The following HDAC2 variants were observed in gnomAD, a reference collection of about 807,000 sequenced individuals.
HDAC2 encodes the protein histone deacetylase 2.
HDAC2 carries 5 observed loss-of-function variants against 68.5 expected under a neutral mutation model. That is an observed-to-expected ratio of 0.07 (90% CI 0.04 to 0.15). HDAC2 has a LOEUF of 0.15. HDAC2 is among the 10% of genes least tolerant of loss of function. HDAC2 has a pLI of 1.00. For synonymous variants in HDAC2, 182 were observed against 191.3 expected, an observed-to-expected ratio of 0.95 and a Z score of 0.40; for missense variants, 291 against 600.8, an observed-to-expected ratio of 0.48 and a Z score of 5.39.
chr6:113,963,886 C>G (rs1212692739), intron 1 of HDAC2, among the ~76,000 whole-genome samples: 1 of 152,150 alleles, frequency 6.6e-6, no homozygotes, highest in Non-Finnish European at 1.5e-5. Flanking sequence ...CTTCAAGAAA[C>G]TAACAGAATG....
At position 113,949,202 on chromosome 6, in the gene HDAC2, A is replaced by C. The variant is rs1197382837; in HGVS notation, c.698T>G (p.Ile233Arg). 1 of 1,609,840 alleles carries C rather than the reference A, an allele frequency of 6.2e-7. No homozygotes were observed. The highest frequency in any genetic ancestry group is 2.2e-5 in the East Asian group (1 of 44,814). Reference protein sequence around the residue: ...YAVNFPMRDGIDDESYGQIFK... With the variant: ...YAVNFPMRDGRDDESYGQIFK... ...TATCTGCCCATATGACTCATCATCT[A>C]TACCATCTCTCATTGGAAAATTGAC... Residue 233 changes from isoleucine to arginine, a missense_variant, in exon 7 of 14, where the codon ATA (isoleucine) becomes AGA (arginine). Physicochemically the swap from Ile to Arg is moderately conservative, Grantham distance 97. Transcript: ENST00000519065.
intron 6 of HDAC2, among the ~76,000 whole-genome samples, chr6:113,952,984 T>G (rs145257414): frequency 6.6e-6 from 1 of 152,210 alleles, no homozygotes; most frequent in Non-Finnish European, 1.5e-5. Flanking sequence ...TCAGGTAGTT[T>G]TGAAGATTCA....
At chr6:113,959,840 G>GT (rs1337141973) in intron 2 of HDAC2, 66 bp downstream of exon 2, 4 of 732,062 alleles carry the variant, frequency 5.5e-6, no homozygotes, top group Non-Finnish European at 9.5e-6. Flanking sequence ...AATAGACAAA[G>GT]TTTCACAGTA....
intron 6 of HDAC2, among the ~76,000 whole-genome samples, chr6:113,950,737 A>G (rs964144515): frequency 9.9e-5 from 15 of 151,424 alleles, no homozygotes; most frequent in African/African-American, 3.6e-4. Context: ...GCGTTGAATG[A>G]TAATGTCTGA....
chr6:113,968,175 T>C (rs780634107), intron 1 of HDAC2, among the ~76,000 whole-genome samples: 25 of 152,224 alleles, frequency 1.6e-4, no homozygotes, highest in Non-Finnish European at 2.4e-4. Flanking sequence ...CCTATGGTTA[T>C]AGAATTTGCT....
In HDAC2 at chr6:113,949,070, C is replaced by T; in HGVS notation, c.750G>A (p.Met250Ile). 6.2e-7 allele frequency: 1 copy of T among 1,613,448 alleles called. No individual in the cohort carries two copies. Residue 250 changes from methionine to isoleucine, a missense_variant, in exon 8 of 14, where the codon ATG becomes ATA. By Grantham distance (10) the Met-to-Ile change is conservative (BLOSUM62 1). This residue lies in a region of HDAC2 where 154 missense variants were observed against 472.1 expected (regional missense o/e 0.33). Coordinates refer to ENST00000519065, the MANE Select transcript of HDAC2 (RefSeq NM_001527.4). ...CCACAGCACTAGGTTGATACATCTC[C>T]ATCACCTTTGAGATAATCTACACAC... ...QIFKPIISKVMEMYQPSAVVL... is the reference protein window; with the variant it reads ...QIFKPIISKVIEMYQPSAVVL...
Position 113,936,750 on chromosome 6 carries a change from G to GGGA in HDAC2, c.*4305_*4307dup, listed in dbSNP as rs1213202833. The GGGA allele has an allele frequency of 1.3e-5, 2 of 152,476 alleles. No homozygotes were observed. Among genetic ancestry groups the GGGA allele is most frequent in the Non-Finnish European group, 2.9e-5 (2 of 68,322 alleles). The allele number at this position is 152,476 out of a possible 1,614,324, so 9.4% of individuals were successfully genotyped here. On this transcript the variant is annotated 3_prime_UTR_variant, in exon 14 of 14. Coordinates refer to ENST00000519065, the MANE Select transcript of HDAC2 (RefSeq NM_001527.4). The stretch of plus-strand genomic sequence containing the variant: ...CTCATGCTTGTAATCCCAGCACTTT[G>GGGA]GGAGGCCCAGGCGGGTGGATCATTT...
intron 5 of HDAC2, 73 bp downstream of exon 5, chr6:113,955,940 C>A (rs1776543130): frequency 3.6e-6 from 4 of 1,125,064 alleles, no homozygotes; most frequent in Non-Finnish European, 5.0e-6. Context: ...TTTTTAAAGC[C>A]ATAGACTTTA....
chr6:113,966,027 T>C (rs868554036), intron 1 of HDAC2, among the ~76,000 whole-genome samples: 2 of 152,062 alleles, frequency 1.3e-5, no homozygotes, highest in Non-Finnish European at 2.9e-5. Flanking sequence ...GGAAACACTT[T>C]GAAAAGGAAA....
At chr6:113,959,753 C>G (rs941721485) in intron 2 of HDAC2, 153 bp downstream of exon 2, 21 of 533,908 alleles carry the variant, frequency 3.9e-5, no homozygotes, top group African/African-American at 3.9e-4. Context: ...TCTTATTCAT[C>G]TCCTAAGAAT....
chr6:113,957,485 CTT>C (rs200098767), intron 3 of HDAC2, among the ~76,000 whole-genome samples: 2 of 145,726 alleles, frequency 1.4e-5, no homozygotes, highest in African/African-American at 2.5e-5. Flanking sequence ...AGATCATAAT[CTT>C]TTTTTTTTTT....
chr6:113,945,517 C>T (rs1331684998), intron 9 of HDAC2, 47 bp from the exon 10 acceptor site: 2 of 893,868 alleles, frequency 2.2e-6, no homozygotes, highest in Non-Finnish European at 1.9e-6. Flanking sequence ...GCTCAGTTTT[C>T]ACAAAAAACC....
In HDAC2 at chr6:113,970,965, T is replaced by TGCTGCC. The variant is rs756197679; in HGVS notation, c.-63_-58dup. The stretch of plus-strand genomic sequence containing the variant: ...CTCCTCCTGCTGCTGCTGCTGCTGC[T>TGCTGCC]GCTGCCGCCGCGGCTCGGCCGGGAG... On this transcript the variant is annotated 5_prime_UTR_variant, in exon 1 of 14. Transcript: ENST00000519065. 4 of 1,564,458 alleles carry TGCTGCC rather than the reference T, an allele frequency of 2.6e-6. No individual in the cohort carries two copies. Among genetic ancestry groups the TGCTGCC allele is most frequent in the Admixed American group, 3.8e-5 (2 of 52,322 alleles).
At chr6:113,950,710 GT>G (rs1478013905) in intron 6 of HDAC2, among the ~76,000 whole-genome samples, 2 of 104,336 alleles carry the variant, frequency 1.9e-5, no homozygotes, top group Admixed American at 1.1e-4. Flanking sequence ...TGGGGGGGGG[GT>G]GCCTAATTCT....
Position 113,940,822 on chromosome 6 carries a change from C to T in HDAC2, c.*236G>A, listed in dbSNP as rs1776113105. ...TCAGTTTTTTTGACATAATAACTCA[C>T]ATCAATTTTAAATACTATCACATAA... On this transcript the variant is annotated 3_prime_UTR_variant, in exon 14 of 14. Coordinates refer to ENST00000519065, the MANE Select transcript of HDAC2 (RefSeq NM_001527.4). 1 of 394,488 alleles carries T rather than the reference C, an allele frequency of 2.5e-6. No homozygotes were observed. The highest frequency in any genetic ancestry group is 4.2e-5 in the Admixed American group (1 of 23,856). The allele number at this position is 394,488 out of a possible 1,614,324, so 24.4% of individuals were successfully genotyped here.
In HDAC2 at chr6:113,937,841, C is replaced by T. The variant is rs549100365; in HGVS notation, c.*3217G>A. 9.8e-5 allele frequency: 15 copies of T among 152,332 alleles called. No individual in the cohort carries two copies. The highest frequency in any genetic ancestry group is 3.6e-4 in the African/African-American group (15 of 41,546). 9.4% of individuals were successfully genotyped at this position (152,332 alleles called of 1,614,324 possible). A position where few individuals can be genotyped will look rare whatever the true frequency, so the allele number is the denominator to read the frequency against. ...CACTCCATCCTGGGTGACCGAGATC[C>T]TTTCTCTAAAAAAAAGAGATAAACA... On this transcript the variant is annotated 3_prime_UTR_variant, in exon 14 of 14. Coordinates refer to ENST00000519065, the MANE Select transcript of HDAC2 (RefSeq NM_001527.4).
intron 1 of HDAC2, among the ~76,000 whole-genome samples, chr6:113,969,106 G>A (rs1427844981): frequency 6.6e-6 from 1 of 152,064 alleles, no homozygotes; most frequent in Non-Finnish European, 1.5e-5. Context: ...ATTTGATCAG[G>A]GAATGCAGGG....
intron 11 of HDAC2, among the ~76,000 whole-genome samples, 174 bp from the exon 12 acceptor site, chr6:113,943,680 CTT>C (rs1369768876): frequency 2.0e-5 from 3 of 152,062 alleles, no homozygotes; most frequent in South Asian, 4.1e-4. Context: ...ATATTGAAAA[CTT>C]TGCTTTCATG....
intron 4 of HDAC2, 154 bp downstream of exon 4, chr6:113,956,465 G>C: frequency 1.6e-6 from 1 of 619,356 alleles, no homozygotes; most frequent in South Asian, 2.2e-5. Flanking sequence ...AAAACATAGA[G>C]GTTTGAAAGT....
Sources: allele counts gnomAD v4.1 joint callset (sites outside exome capture counted in the v4.1 genomes callset), GRCh38; gene constraint gnomAD v4.1.1; regional missense constraint gnomAD v4.1.1; transcripts MANE v1.5; gene names NCBI Gene and HGNC (gene_info 2026-07-23, HGNC 2026-07-21).